The following FSTL5 variants were observed in gnomAD, a reference collection of about 807,000 sequenced individuals.
FSTL5 encodes follistatin like 5.
Under a neutral mutation model 89.1 loss-of-function variants are expected in FSTL5, and 62 were observed. The ratio of observed to expected loss-of-function variants is 0.70; its 90% CI spans 0.57 to 0.86. FSTL5 has a LOEUF of 0.86. FSTL5 is among the 40% of genes least tolerant of loss of function. The pLI, the probability that FSTL5 is intolerant of heterozygous loss-of-function variation, is 0.00. For missense variants in FSTL5, 1,057 were observed against 1,001.6 expected (o/e 1.06, Z -0.75); for synonymous variants, 383 against 346.2 (o/e 1.11, Z -1.18).
intron 7 of FSTL5, among the ~76,000 whole-genome samples, chr4:161,640,355 C>A (rs949986050): frequency 2.6e-5 from 4 of 152,038 alleles, no homozygotes; most frequent in African/African-American, 7.2e-5. Context: ...GATATAAGAT[C>A]TATTCAACAA....
rs1370108027 is a variant in FSTL5 at position 161,506,226 on chromosome 4, G to A, written c.1339+4172C>T. Among the ~76,000 whole-genome samples the A allele has an allele frequency of 5.0e-5, 6 of 119,974 alleles. No homozygotes were observed. The East Asian group carries it at 1.6e-3, about 32-fold the overall frequency. 78.7% of individuals were successfully genotyped at this position (119,974 alleles called of 152,430 possible). A position where few individuals can be genotyped will look rare whatever the true frequency, so the allele number is the denominator to read the frequency against. On this transcript the variant is annotated intron_variant, in intron 11 of 15. Coordinates refer to ENST00000306100, the MANE Select transcript of FSTL5 (RefSeq NM_020116.5). ...TGGGATTACAGGCATGAGCCATCACGCCCGGCATTTTTTTTTTTTAATTTT... is the reference window on the plus strand; with the variant it reads ...TGGGATTACAGGCATGAGCCATCACACCCGGCATTTTTTTTTTTTAATTTT...
intron 2 of FSTL5, among the ~76,000 whole-genome samples, chr4:162,054,225 CAAGT>C (rs1195366076): frequency 6.6e-6 from 1 of 151,302 alleles, no homozygotes; most frequent in East Asian, 1.9e-4. Context: ...CAAATATGCA[CAAGT>C]AAATATCTAC....
At chr4:161,479,145 T>G (rs556833272) in intron 13 of FSTL5, among the ~76,000 whole-genome samples, 1 of 152,216 alleles carries the variant, frequency 6.6e-6, no homozygotes, top group South Asian at 2.1e-4. Context: ...GTTTAGATAC[T>G]AAGTTGAAAA....
intron 4 of FSTL5, among the ~76,000 whole-genome samples, chr4:161,810,606 T>C (rs1171124964): frequency 3.9e-5 from 6 of 152,086 alleles, no homozygotes; most frequent in East Asian, 1.9e-4. Context: ...CTGGAAGAAA[T>C]AGATTATGAC....
chr4:162,030,690 T>C (rs930652879), intron 3 of FSTL5, among the ~76,000 whole-genome samples: 4 of 152,142 alleles, frequency 2.6e-5, no homozygotes, highest in African/African-American at 7.2e-5. Context: ...GATATTATCA[T>C]TATGGTTGTC....
At chr4:162,112,924 A>G (rs1175133940) in intron 1 of FSTL5, among the ~76,000 whole-genome samples, 1 of 152,090 alleles carries the variant, frequency 6.6e-6, no homozygotes, top group Non-Finnish European at 1.5e-5. Flanking sequence ...TTTGGTGTTT[A>G]TAACACTTCT....
At chr4:161,776,697 T>G (rs145308598) in intron 4 of FSTL5, among the ~76,000 whole-genome samples, 2 of 151,808 alleles carry the variant, frequency 1.3e-5, no homozygotes, top group East Asian at 1.9e-4. Flanking sequence ...AATTTTTAGT[T>G]GTTACAAATA....
At chr4:161,944,871 T>C (rs1027236190) in intron 3 of FSTL5, among the ~76,000 whole-genome samples, 2 of 151,608 alleles carry the variant, frequency 1.3e-5, no homozygotes, top group African/African-American at 4.8e-5. Flanking sequence ...TAGATTTATA[T>C]TAAAATATAA....
chr4:161,872,133 TTTTTTTGG>T (rs1732284689), intron 4 of FSTL5, among the ~76,000 whole-genome samples: 1 of 41,598 alleles, frequency 2.4e-5, no homozygotes, highest in African/African-American at 4.5e-5. Context: ...AGTTTGTTTT[TTTTTTTGG>T]TTTTTTTTTT....
At chr4:161,852,180 AAT>A (rs10566216) in intron 4 of FSTL5, among the ~76,000 whole-genome samples, 12,167 of 150,858 alleles carry the variant, frequency 0.081, 582 homozygotes, top group African/African-American at 0.13. Flanking sequence ...GTAGATATAA[AAT>A]ATATATATAT....
intron 7 of FSTL5, among the ~76,000 whole-genome samples, chr4:161,653,044 T>G (rs1353693439): frequency 6.6e-6 from 1 of 152,190 alleles, no homozygotes; most frequent in Non-Finnish European, 1.5e-5. Context: ...AATGGAATTA[T>G]AGACATTTCT....
At position 161,567,612 on chromosome 4, in the gene FSTL5, T is replaced by C. The variant is rs145525963; in HGVS notation, c.1015+19843A>G. On this transcript the variant is annotated intron_variant, in intron 8 of 15. Coordinates refer to ENST00000306100, the MANE Select transcript of FSTL5 (RefSeq NM_020116.5). ...TAATTTAAATATCTATGTGTAGATATAACCAGATTATAATTTTATGAAGAA... is the reference window on the plus strand; with the variant it reads ...TAATTTAAATATCTATGTGTAGATACAACCAGATTATAATTTTATGAAGAA... 1.4e-4 allele frequency among the ~76,000 whole-genome samples: 21 copies of C among 152,266 alleles called. No homozygotes were observed. In the East Asian group the frequency reaches 3.1e-3, roughly 22 times the overall value.
chr4:161,461,138 A>T (rs1733555406), intron 13 of FSTL5, among the ~76,000 whole-genome samples: 1 of 151,728 alleles, frequency 6.6e-6, no homozygotes, highest in Non-Finnish European at 1.5e-5. Context: ...TTCCAAAGTC[A>T]TTTTGAGGCC....
At chr4:161,983,351 A>G (rs1014489086) in intron 3 of FSTL5, among the ~76,000 whole-genome samples, 6 of 152,268 alleles carry the variant, frequency 3.9e-5, no homozygotes, top group Non-Finnish European at 4.4e-5. Flanking sequence ...CAAAATTTGC[A>G]TGTAATATTC....
intron 6 of FSTL5, among the ~76,000 whole-genome samples, chr4:161,702,647 T>C (rs576586133): frequency 6.6e-6 from 1 of 152,306 alleles, no homozygotes; most frequent in Admixed American, 6.5e-5. Flanking sequence ...TAGAATGCTT[T>C]TATAAGTGTC....
chr4:162,070,867 T>C (rs933014356), intron 2 of FSTL5, among the ~76,000 whole-genome samples: 1 of 151,716 alleles, frequency 6.6e-6, no homozygotes, highest in African/African-American at 2.4e-5. Context: ...CTTGAGGAAA[T>C]TCAAAATCCC....
intron 4 of FSTL5, among the ~76,000 whole-genome samples, chr4:161,874,916 G>A (rs1732389529): frequency 6.6e-6 from 1 of 151,974 alleles, no homozygotes. Context: ...TTCTTGCTAT[G>A]AGTTATGTAT....
intron 12 of FSTL5, among the ~76,000 whole-genome samples, chr4:161,483,188 A>T (rs1486224338): frequency 1.3e-5 from 2 of 152,234 alleles, no homozygotes; most frequent in Admixed American, 6.5e-5. Context: ...CCTTTTCTTC[A>T]GAAATATACT....
intron 2 of FSTL5, among the ~76,000 whole-genome samples, chr4:162,109,101 C>T (rs573373399): frequency 6.6e-6 from 1 of 152,032 alleles, no homozygotes; most frequent in South Asian, 2.1e-4. Flanking sequence ...ACCAATAATG[C>T]GATGTATGGA....
Sources: gnomAD v4.1 joint callset for allele counts (sites outside exome capture counted in the v4.1 genomes callset) on GRCh38, gnomAD v4.1.1 for gene constraint, MANE v1.5 for transcripts, NCBI Gene and HGNC (gene_info 2026-07-23, HGNC 2026-07-21) for gene names.